The following PDZRN4 variants were observed in gnomAD, a reference collection of about 807,000 sequenced individuals.
The protein encoded by PDZRN4 is PDZ domain containing ring finger 4, also known as PDZ domain-containing RING finger protein 4.
In PDZRN4, 70 loss-of-function variants were observed where a neutral mutation model predicts 99.0. The ratio of observed to expected loss-of-function variants is 0.71; its 90% CI spans 0.58 to 0.86. PDZRN4 has a LOEUF of 0.86. PDZRN4 is among the 40% of genes least tolerant of loss of function. The pLI is 0.00. For synonymous variants in PDZRN4, 551 were observed against 501.6 expected (o/e 1.10, Z -1.32); for missense variants, 1,474 against 1,331.2 (o/e 1.11, Z -1.67).
intron 3 of PDZRN4, among the ~76,000 whole-genome samples, chr12:41,290,439 C>G (rs1431701339): frequency 6.6e-6 from 1 of 151,926 alleles, no homozygotes. Context: ...CCAGGAAATT[C>G]CTTTTTGCCA....
chr12:41,432,705 CA>C (rs1952595381), intron 3 of PDZRN4, among the ~76,000 whole-genome samples: 1 of 152,060 alleles, frequency 6.6e-6, no homozygotes, highest in African/African-American at 2.4e-5. Context: ...TAAAATGCAC[CA>C]AGAATTCAGA....
intron 3 of PDZRN4, among the ~76,000 whole-genome samples, chr12:41,290,906 A>C (rs1307345775): frequency 6.6e-6 from 1 of 152,118 alleles, no homozygotes; most frequent in African/African-American, 2.4e-5. Flanking sequence ...TCATTTCCTT[A>C]AACATTCTTT....
chr12:41,379,022 G>T (rs1404486557), intron 3 of PDZRN4, among the ~76,000 whole-genome samples: 1 of 152,092 alleles, frequency 6.6e-6, no homozygotes, highest in Admixed American at 6.5e-5. Context: ...TCTTTCTTGG[G>T]AGGCTGTTGA....
intron 3 of PDZRN4, among the ~76,000 whole-genome samples, chr12:41,292,417 C>T (rs1951462242): frequency 6.6e-6 from 1 of 152,112 alleles, no homozygotes; most frequent in Non-Finnish European, 1.5e-5. Flanking sequence ...GTGCAGAGGT[C>T]AGAGAAGGCA....
intron 3 of PDZRN4, among the ~76,000 whole-genome samples, chr12:41,378,463 A>G (rs191485939): frequency 6.7e-6 from 1 of 149,106 alleles, no homozygotes; most frequent in Non-Finnish European, 1.5e-5. Flanking sequence ...TCCAATTTTC[A>G]TATCAGGGTA....
At position 41,188,887 on chromosome 12, in the gene PDZRN4, C is replaced by G. The variant is rs1950713979; in HGVS notation, c.432C>G (p.Gly144=). ...CACCCAGGGCTGGCCGGGGCGGGGGCGCGCGCGGGGGGCCGCCGGGCGGCC... is the reference window on the plus strand; with the variant it reads ...CACCCAGGGCTGGCCGGGGCGGGGGGGCGCGCGGGGGGCCGCCGGGCGGCC... ...GPTPRAGRGG[G]ARGGPPGGRW... The change falls in exon 1 of 10, where the codon GGC becomes GGG. Residue 144 remains glycine, a synonymous_variant. Coordinates refer to ENST00000402685, the MANE Select transcript of PDZRN4 (RefSeq NM_001164595.2). 16 of 1,102,532 alleles carry G rather than the reference C, an allele frequency of 1.5e-5. No individual in the cohort carries two copies. In the South Asian group the frequency reaches 6.0e-4, roughly 41 times the overall value. The allele number at this position is 1,102,532 out of a possible 1,614,324, so 68.3% of individuals were successfully genotyped here.
At chr12:41,553,134 T>C (rs1249862684) in intron 6 of PDZRN4, among the ~76,000 whole-genome samples, 1 of 152,194 alleles carries the variant, frequency 6.6e-6, no homozygotes, top group East Asian at 1.9e-4. Context: ...TGGCTAATTG[T>C]TTTAAATTAC....
intron 3 of PDZRN4, among the ~76,000 whole-genome samples, chr12:41,200,045 A>G (rs1408439831): frequency 1.3e-5 from 2 of 152,152 alleles, no homozygotes; most frequent in Non-Finnish European, 2.9e-5. Flanking sequence ...AAGAGTGTAA[A>G]TGGACATTAC....
chr12:41,327,939 GC>G, intron 3 of PDZRN4, among the ~76,000 whole-genome samples: 1 of 152,196 alleles, frequency 6.6e-6, no homozygotes, highest in South Asian at 2.1e-4. Flanking sequence ...TCTTACTGAA[GC>G]AATTAAAATA....
chr12:41,453,492 G>C (rs1297911551), intron 3 of PDZRN4, among the ~76,000 whole-genome samples: 3 of 152,210 alleles, frequency 2.0e-5, no homozygotes, highest in African/African-American at 7.2e-5. Flanking sequence ...GCGGACATGT[G>C]ATAAATTGTG....
chr12:41,463,863 G>C (rs535256279), intron 3 of PDZRN4, among the ~76,000 whole-genome samples: 1 of 152,138 alleles, frequency 6.6e-6, no homozygotes, highest in South Asian at 2.1e-4. Flanking sequence ...CCCTTCAGTA[G>C]TTAAAGGTCT....
chr12:41,225,576 T>C (rs1012635282), intron 3 of PDZRN4, among the ~76,000 whole-genome samples: 1 of 152,166 alleles, frequency 6.6e-6, no homozygotes, highest in African/African-American at 2.4e-5. Flanking sequence ...GGAGCACAAA[T>C]ATTTTCCACA....
intron 3 of PDZRN4, among the ~76,000 whole-genome samples, chr12:41,433,805 T>C (rs1286214056): frequency 6.6e-6 from 1 of 152,240 alleles, no homozygotes; most frequent in African/African-American, 2.4e-5. Context: ...TGTACTACAT[T>C]GGCAGCCAGG....
At chr12:41,299,153 A>T (rs944296393) in intron 3 of PDZRN4, among the ~76,000 whole-genome samples, 1 of 152,112 alleles carries the variant, frequency 6.6e-6, no homozygotes, top group Admixed American at 6.6e-5. Context: ...AGGGCAAATA[A>T]TTATTAAAAA....
At chr12:41,465,158 A>C (rs1952912713) in intron 3 of PDZRN4, among the ~76,000 whole-genome samples, 1 of 152,172 alleles carries the variant, frequency 6.6e-6, no homozygotes, top group African/African-American at 2.4e-5. Flanking sequence ...AAGACAGTGA[A>C]TATGAATAGC....
intron 3 of PDZRN4, among the ~76,000 whole-genome samples, chr12:41,486,047 G>A (rs1242149371): frequency 6.6e-6 from 1 of 152,092 alleles, no homozygotes; most frequent in African/African-American, 2.4e-5. Flanking sequence ...TTTATGTAAG[G>A]CGGAATAATA....
At chr12:41,496,674 T>C (rs566497664) in intron 3 of PDZRN4, among the ~76,000 whole-genome samples, 1 of 152,262 alleles carries the variant, frequency 6.6e-6, no homozygotes, top group East Asian at 1.9e-4. Flanking sequence ...GGCTACAGAA[T>C]GGAGCTGGGA....
intron 3 of PDZRN4, among the ~76,000 whole-genome samples, chr12:41,482,661 G>A (rs1032902160): frequency 3.3e-5 from 5 of 152,118 alleles, no homozygotes; most frequent in Non-Finnish European, 4.4e-5. Context: ...AAATAAGAGA[G>A]CTGAGATTTA....
chr12:41,218,283 CA>C (rs1950934005), intron 3 of PDZRN4, among the ~76,000 whole-genome samples: 1 of 151,988 alleles, frequency 6.6e-6, no homozygotes, highest in Non-Finnish European at 1.5e-5. Flanking sequence ...GTCCCTTGGT[CA>C]GGGGAAGGCA....
Sources: gnomAD v4.1 joint callset for allele counts (sites outside exome capture counted in the v4.1 genomes callset) on GRCh38, gnomAD v4.1.1 for gene constraint, MANE v1.5 for transcripts, NCBI Gene and HGNC (gene_info 2026-07-23, HGNC 2026-07-21) for gene names.